HS3ST4: variants seen among roughly 807,000 people sequenced by gnomAD.
HS3ST4 encodes the protein heparan sulfate-glucosamine 3-sulfotransferase 4.
Under a neutral mutation model 29.2 loss-of-function variants are expected in HS3ST4, and 17 were observed. That is an observed-to-expected ratio of 0.58 (90% CI 0.40 to 0.87). HS3ST4 has a LOEUF of 0.87. Among genes scored for constraint, HS3ST4 ranks in the 40% least tolerant of loss-of-function variants. The pLI is 0.00. For synonymous variants in HS3ST4, 314 were observed against 285.7 expected, an observed-to-expected ratio of 1.10 and a Z score of -1.00; for missense variants, 627 against 634.5, an observed-to-expected ratio of 0.99 and a Z score of 0.13.
chr16:25,810,404 A>G (rs1445888341), intron 1 of HS3ST4, among the ~76,000 whole-genome samples: 1 of 152,068 alleles, frequency 6.6e-6, no homozygotes, highest in Non-Finnish European at 1.5e-5. Context: ...TGAATATCCT[A>G]TGGTGGTTGA....
At position 25,692,600 on chromosome 16, in the gene HS3ST4, C is replaced by A; in HGVS notation, c.183C>A (p.Phe61Leu). Residue 61 changes from phenylalanine to leucine, a missense_variant, in exon 1 of 2, where the codon TTC becomes TTA. Physicochemically the swap from Phe to Leu is conservative, Grantham distance 22. Coordinates refer to ENST00000331351, the MANE Select transcript of HS3ST4 (RefSeq NM_006040.3). ...SLLGGSGSLQ[F>L]PLALQESPGA... ...TGGGCGGCTCGGGCTCCCTGCAATTCCCTCTGGCGCTGCAGGAGTCGCCGG... is the reference window on the plus strand; with the variant it reads ...TGGGCGGCTCGGGCTCCCTGCAATTACCTCTGGCGCTGCAGGAGTCGCCGG... The A allele has an allele frequency of 1.4e-6, 2 of 1,402,568 alleles. No individual in the cohort carries two copies. The highest frequency in any genetic ancestry group is 1.9e-6 in the Non-Finnish European group (2 of 1,067,676). 86.9% of individuals were successfully genotyped at this position (1,402,568 alleles called of 1,614,324 possible).
chr16:25,992,751 C>A (rs1407683390), intron 1 of HS3ST4, among the ~76,000 whole-genome samples: 1 of 152,190 alleles, frequency 6.6e-6, no homozygotes, highest in Non-Finnish European at 1.5e-5. Context: ...CCAGGGCTCA[C>A]TTGAATAGGG....
At chr16:25,699,643 A>G (rs1381079671) in intron 1 of HS3ST4, among the ~76,000 whole-genome samples, 2 of 152,224 alleles carry the variant, frequency 1.3e-5, no homozygotes, top group South Asian at 2.1e-4. Context: ...TTTTAACTCC[A>G]TAGGGTCCAT....
intron 1 of HS3ST4, among the ~76,000 whole-genome samples, chr16:25,745,340 A>G (rs1240679813): frequency 6.6e-6 from 1 of 152,136 alleles, no homozygotes; most frequent in African/African-American, 2.4e-5. Context: ...ATGTGCTACC[A>G]TTGTTCTGTG....
chr16:25,915,643 T>A (rs1310358125), intron 1 of HS3ST4, among the ~76,000 whole-genome samples: 1 of 152,208 alleles, frequency 6.6e-6, no homozygotes, highest in East Asian at 1.9e-4. Flanking sequence ...ACGTCTCCCA[T>A]CTTCTATCTT....
chr16:25,931,821 A>G (rs915839273), intron 1 of HS3ST4, among the ~76,000 whole-genome samples: 1 of 152,170 alleles, frequency 6.6e-6, no homozygotes, highest in African/African-American at 2.4e-5. Context: ...AGTAAGCCAT[A>G]TGGCTCTGTC....
intron 1 of HS3ST4, among the ~76,000 whole-genome samples, chr16:25,994,713 C>T (rs928243266): frequency 1.3e-5 from 2 of 151,906 alleles, no homozygotes; most frequent in South Asian, 2.1e-4. Context: ...TATATTATGC[C>T]CTTTGTAACT....
intron 1 of HS3ST4, among the ~76,000 whole-genome samples, chr16:26,016,769 A>G (rs1187227817): frequency 1.3e-5 from 2 of 152,188 alleles, no homozygotes; most frequent in Admixed American, 6.5e-5. Context: ...AAATCATTCA[A>G]TTTGAAGAAG....
chr16:25,989,157 C>T (rs772592934), intron 1 of HS3ST4, among the ~76,000 whole-genome samples: 23 of 152,104 alleles, frequency 1.5e-4, no homozygotes, highest in Admixed American at 2.6e-4. Context: ...AACAGTGGGC[C>T]GCTTTTGATT....
At chr16:25,748,183 T>C (rs1295591831) in intron 1 of HS3ST4, among the ~76,000 whole-genome samples, 2 of 152,194 alleles carry the variant, frequency 1.3e-5, no homozygotes, top group Admixed American at 6.5e-5. Context: ...GCATCCTGGC[T>C]GTGCTTGGGT....
chr16:25,736,923 A>G (rs887944326), intron 1 of HS3ST4, among the ~76,000 whole-genome samples: 13 of 151,902 alleles, frequency 8.6e-5, no homozygotes, highest in Non-Finnish European at 1.9e-4. Context: ...ATCTCGGCTC[A>G]CTGCAACCTC....
intron 1 of HS3ST4, among the ~76,000 whole-genome samples, chr16:25,721,398 T>A (rs1030706695): frequency 6.6e-6 from 1 of 152,146 alleles, no homozygotes; most frequent in Non-Finnish European, 1.5e-5. Context: ...TTTTTTTACA[T>A]TTTTTTCCTT....
intron 1 of HS3ST4, among the ~76,000 whole-genome samples, chr16:26,046,289 G>A (rs1214720204): frequency 6.6e-6 from 1 of 151,566 alleles, no homozygotes; most frequent in Non-Finnish European, 1.5e-5. Flanking sequence ...TAGCTGGGAT[G>A]ACAGGCACTT....
intron 1 of HS3ST4, among the ~76,000 whole-genome samples, chr16:26,037,079 T>G (rs1969590227): frequency 6.6e-6 from 1 of 152,192 alleles, no homozygotes; most frequent in South Asian, 2.1e-4. Context: ...GGTATCTCAC[T>G]TCCCTTGGGT....
chr16:25,910,180 A>G (rs555340580), intron 1 of HS3ST4, among the ~76,000 whole-genome samples: 13 of 152,248 alleles, frequency 8.5e-5, no homozygotes, highest in Non-Finnish European at 1.6e-4. Flanking sequence ...TGTATTTTGC[A>G]CAGGGCTTAT....
chr16:25,713,702 C>T (rs570961015), intron 1 of HS3ST4, among the ~76,000 whole-genome samples: 10 of 152,282 alleles, frequency 6.6e-5, no homozygotes, highest in African/African-American at 2.2e-4. Flanking sequence ...GAGCACTGAA[C>T]AAACACTCAC....
intron 1 of HS3ST4, among the ~76,000 whole-genome samples, chr16:26,020,604 G>A (rs1453739850): frequency 6.6e-6 from 1 of 152,206 alleles, no homozygotes; most frequent in Non-Finnish European, 1.5e-5. Flanking sequence ...TGATGCTGGT[G>A]CTGCTGCTCT....
At position 26,136,749 on chromosome 16, in the gene HS3ST4, G is replaced by C. The variant is rs1898288795; in HGVS notation, c.*501G>C. 1.2e-5 allele frequency: 2 copies of C among 162,214 alleles called. No homozygotes were observed. Among genetic ancestry groups the C allele is most frequent in the Admixed American group, 1.1e-4 (2 of 17,886 alleles). 10.0% of individuals were successfully genotyped at this position (162,214 alleles called of 1,614,324 possible). A position where few individuals can be genotyped will look rare whatever the true frequency, so the allele number is the denominator to read the frequency against. ...GTGCTCCAGGACTCCTAGGGAGCAA[G>C]GTCCTCCCTCTAAGGTGTTTCTAGT... On this transcript the variant is annotated 3_prime_UTR_variant, in exon 2 of 2. Transcript: ENST00000331351.
intron 1 of HS3ST4, among the ~76,000 whole-genome samples, chr16:26,043,297 TTAGG>T (rs1969651746): frequency 6.6e-6 from 1 of 152,136 alleles, no homozygotes; most frequent in Admixed American, 6.5e-5. Flanking sequence ...AAATAAAAAA[TTAGG>T]TAGAAGAATC....
Sources: allele counts gnomAD v4.1 joint callset (sites outside exome capture counted in the v4.1 genomes callset), GRCh38; gene constraint gnomAD v4.1.1; transcripts MANE v1.5; gene names NCBI Gene and HGNC (gene_info 2026-07-23, HGNC 2026-07-21).